Variants in PAM observed in about 807,000 individuals in gnomAD.
PAM encodes peptidylglycine alpha-amidating monooxygenase, also known as peptidyl-glycine alpha-amidating monooxygenase.
A neutral mutation model predicts 122.1 loss-of-function variants in PAM; 72 were observed. The observed-to-expected ratio is 0.59, with a 90% confidence interval of 0.49 to 0.72. The LOEUF (loss-of-function observed/expected upper bound fraction) is 0.72. Among genes scored for constraint, PAM ranks in the 30% least tolerant of loss-of-function variants. The pLI is 0.00. For missense variants in PAM, 1,106 were observed against 1,183.7 expected, an observed-to-expected ratio of 0.93 and a Z score of 0.96; for synonymous variants, 389 against 404.4, an observed-to-expected ratio of 0.96 and a Z score of 0.46.
chr5:102,872,049 G>C (rs926186472), intron 3 of PAM, among the ~76,000 whole-genome samples: 6 of 151,958 alleles, frequency 3.9e-5, no homozygotes, highest in Admixed American at 3.9e-4. Flanking sequence ...GATGTTTTAG[G>C]CTGTCATTAG....
intron 1 of PAM, among the ~76,000 whole-genome samples, chr5:102,777,605 C>T (rs1388179207): frequency 6.6e-6 from 1 of 152,108 alleles, no homozygotes; most frequent in Non-Finnish European, 1.5e-5. Flanking sequence ...AAACGAGGCC[C>T]TTTCTTCCCA....
At chr5:102,900,259 G>C (rs893726324) in intron 3 of PAM, among the ~76,000 whole-genome samples, 3 of 124,654 alleles carry the variant, frequency 2.4e-5, no homozygotes, top group African/African-American at 6.0e-5. Context: ...GTGTGTGGGG[G>C]GGGGGCGGGG....
chr5:102,823,562 C>T (rs539633938), intron 1 of PAM, among the ~76,000 whole-genome samples: 8 of 152,226 alleles, frequency 5.3e-5, no homozygotes, highest in Admixed American at 1.3e-4. Context: ...CTGAAAGGAG[C>T]GCTGGAACAG....
intron 1 of PAM, among the ~76,000 whole-genome samples, chr5:102,822,335 CT>C (rs1772241457): frequency 6.6e-6 from 1 of 152,332 alleles, no homozygotes; most frequent in South Asian, 2.1e-4. Flanking sequence ...ATCCTGGCAG[CT>C]CAGGGTGCAA....
chr5:102,922,823 A>G (rs1409222294), intron 5 of PAM, among the ~76,000 whole-genome samples: 1 of 147,706 alleles, frequency 6.8e-6, no homozygotes, highest in Non-Finnish European at 1.5e-5. Flanking sequence ...CAGCAGTGAT[A>G]TACAAAGTTC....
intron 16 of PAM, among the ~76,000 whole-genome samples, chr5:103,001,718 T>G (rs889675922): frequency 6.6e-6 from 1 of 152,098 alleles, no homozygotes; most frequent in Non-Finnish European, 1.5e-5. Flanking sequence ...TTAAGAATTT[T>G]TTTTTGTTCT....
chr5:102,818,132 T>C (rs1039452522), intron 1 of PAM, among the ~76,000 whole-genome samples: 3 of 151,390 alleles, frequency 2.0e-5, no homozygotes, highest in Admixed American at 2.0e-4. Flanking sequence ...AACAAAATCT[T>C]AGCACTTGTC....
chr5:102,943,013 C>G (rs1223678358), intron 7 of PAM, among the ~76,000 whole-genome samples: 2 of 152,156 alleles, frequency 1.3e-5, no homozygotes, highest in Non-Finnish European at 1.5e-5. Flanking sequence ...TGAGTGTGCT[C>G]TAACCTTTAC....
intron 21 of PAM, among the ~76,000 whole-genome samples, chr5:103,016,554 A>G (rs1470124227): frequency 6.6e-6 from 1 of 152,222 alleles, no homozygotes; most frequent in Non-Finnish European, 1.5e-5. Flanking sequence ...TCCAAGAACT[A>G]GTTTGGTGAT....
At chr5:102,812,256 T>C (rs1167825559) in intron 1 of PAM, among the ~76,000 whole-genome samples, 1 of 152,060 alleles carries the variant, frequency 6.6e-6, no homozygotes, top group Non-Finnish European at 1.5e-5. Context: ...GCTGCAAAAA[T>C]AGTTTCTTTT....
In PAM at chr5:102,968,836, A is replaced by C. The variant is rs111406245; in HGVS notation, c.1163-5280A>C. 3.0e-4 allele frequency among the ~76,000 whole-genome samples: 46 copies of C among 152,258 alleles called. No homozygotes were observed. The East Asian group carries it at 7.7e-3, about 26-fold the overall frequency. On this transcript the variant is annotated intron_variant, in intron 14 of 25. Transcript: ENST00000438793. ...TCCCAATAGCGAAGACTTGGAACCA[A>C]CCCAAATGCCCATCAATGCTGCACT...
intron 1 of PAM, among the ~76,000 whole-genome samples, chr5:102,852,054 A>G (rs759337491): frequency 5.3e-5 from 8 of 152,210 alleles, no homozygotes; most frequent in Non-Finnish European, 1.2e-4. Flanking sequence ...AGCATAACCA[A>G]TGTGGAAGCT....
At chr5:102,903,154 T>C (rs1358145726) in intron 4 of PAM, among the ~76,000 whole-genome samples, 3 of 151,534 alleles carry the variant, frequency 2.0e-5, no homozygotes, top group South Asian at 2.1e-4. Flanking sequence ...CCTTAAAAGG[T>C]CTTGTAAGAT....
At position 102,769,814 on chromosome 5, in the gene PAM, A is replaced by G. The variant is rs934393861; in HGVS notation, c.-374+14466A>G. 3.9e-5 allele frequency among the ~76,000 whole-genome samples: 6 copies of G among 152,180 alleles called. 1 individual carries two copies. Among genetic ancestry groups the G allele is most frequent in the African/African-American group, 1.4e-4 (6 of 41,452 alleles). ...TCCTCTGGTTTTGTTCTTTTTGCTC[A>G]GGATAGCTTTGGCTATTCTGGGTCT... On this transcript the variant is annotated intron_variant, in intron 1 of 25. Transcript: ENST00000438793.
intron 1 of PAM, among the ~76,000 whole-genome samples, chr5:102,861,231 C>T (rs569946313): frequency 6.6e-5 from 10 of 152,184 alleles, no homozygotes; most frequent in Admixed American, 6.5e-5. Context: ...AAGAGAACCT[C>T]GCAGCTAAGC....
At chr5:102,978,834 A>G in intron 15 of PAM, among the ~76,000 whole-genome samples, 1 of 132,952 alleles carries the variant, frequency 7.5e-6, no homozygotes, top group Admixed American at 7.0e-5. Flanking sequence ...AGAATGGTTA[A>G]AAAAAAAAAA....
intron 1 of PAM, among the ~76,000 whole-genome samples, chr5:102,827,425 A>G (rs468803): frequency 0.69 from 105,145 of 151,680 alleles, 36,808 homozygotes; most frequent in South Asian, 0.81. Context: ...AGGAAAATAA[A>G]ATAACATTTT....
chr5:102,780,823 C>CTT lies in PAM; in HGVS notation c.-374+25477_-374+25478dup, dbSNP rs1554060210. On this transcript the variant is annotated intron_variant, in intron 1 of 25. Transcript: ENST00000438793. ...TCTTTCTTTCTTTCTTTCTTTCTTT[C>CTT]TTTCTTTCTTTCTCTGTCTTTCTCT... is the stretch of plus-strand genomic sequence containing the variant. Among the ~76,000 whole-genome samples, 32 of 116,296 alleles carry CTT rather than the reference C, an allele frequency of 2.8e-4. 1 individual carries two copies. Among genetic ancestry groups the CTT allele is most frequent in the Non-Finnish European group, 5.5e-4 (29 of 53,198 alleles). 76.3% of individuals were successfully genotyped at this position (116,296 alleles called of 152,430 possible).
chr5:102,960,080 T>C, intron 13 of PAM, 21 bp downstream of exon 13: 1 of 1,284,974 alleles, frequency 7.8e-7, no homozygotes, highest in Non-Finnish European at 1.1e-6. Context: ...ATGTTTAATA[T>C]AAAGTAATAT....
Sources: gnomAD v4.1 joint callset for allele counts (sites outside exome capture counted in the v4.1 genomes callset) on GRCh38, gnomAD v4.1.1 for gene constraint, MANE v1.5 for transcripts, NCBI Gene and HGNC (gene_info 2026-07-23, HGNC 2026-07-21) for gene names.